TMEM132C: variants seen among roughly 807,000 people sequenced by gnomAD.
TMEM132C encodes the protein transmembrane protein 132C.
Under a neutral mutation model 61.4 loss-of-function variants are expected in TMEM132C, and 29 were observed. The observed-to-expected ratio is 0.47, with a 90% confidence interval of 0.35 to 0.64. The LOEUF is 0.64. Among genes scored for constraint, TMEM132C ranks in the 30% least tolerant of loss-of-function variants. The probability of loss-of-function intolerance (pLI) is 0.00; values close to 1 mark genes in which losing one functional copy is unlikely to be tolerated. For missense variants in TMEM132C, 1,408 were observed against 1,476.9 expected, an observed-to-expected ratio of 0.95 and a Z score of 0.76; for synonymous variants, 656 against 633.1, an observed-to-expected ratio of 1.04 and a Z score of -0.54.
chr12:128,629,237 A>C lies in TMEM132C; in HGVS notation c.1305+12902A>C, dbSNP rs536590437. Among the ~76,000 whole-genome samples, 14 of 152,342 alleles carry C rather than the reference A, an allele frequency of 9.2e-5. No homozygotes were observed. The East Asian group carries it at 2.1e-3, about 23-fold the overall frequency. On this transcript the variant is annotated intron_variant, in intron 4 of 8. Transcript: ENST00000435159. The stretch of plus-strand genomic sequence containing the variant: ...TTAAGAATAAAAAAAAACCTGGGAC[A>C]GTTTCAGTGGCTCACGCCTATAATT...
intron 1 of TMEM132C, among the ~76,000 whole-genome samples, chr12:128,347,094 G>C (rs1593019627): frequency 6.6e-6 from 1 of 152,012 alleles, no homozygotes. Context: ...CCTTCCCCCT[G>C]AGTCCCCAAA....
chr12:128,696,417 CT>C (rs1033505111), intron 7 of TMEM132C, among the ~76,000 whole-genome samples: 1 of 152,188 alleles, frequency 6.6e-6, no homozygotes, highest in Non-Finnish European at 1.5e-5. Context: ...CTTTTTCCCC[CT>C]ATGCCTTCTT....
intron 2 of TMEM132C, among the ~76,000 whole-genome samples, chr12:128,524,427 C>G (rs927834486): frequency 6.6e-6 from 1 of 152,190 alleles, no homozygotes; most frequent in African/African-American, 2.4e-5. Context: ...CCTTCCCCTG[C>G]TGGCTTTAGC....
rs981489232 is a variant in TMEM132C at position 128,569,917 on chromosome 12, T to C, written c.1121+25814T>C. The stretch of plus-strand genomic sequence containing the variant: ...AATTAAATAAAATAAAAAACCAACC[T>C]CAGATACATTGAAGTCTCTTCTGGT... On this transcript the variant is annotated intron_variant, in intron 3 of 8. Coordinates refer to ENST00000435159, the MANE Select transcript of TMEM132C (RefSeq NM_001136103.3). Among the ~76,000 whole-genome samples the C allele has an allele frequency of 2.6e-5, 4 of 152,312 alleles. No individual in the cohort carries two copies. In the East Asian group the frequency reaches 7.7e-4, roughly 29 times the overall value.
intron 2 of TMEM132C, among the ~76,000 whole-genome samples, chr12:128,504,444 T>A (rs763979697): frequency 1.3e-5 from 2 of 152,186 alleles, no homozygotes; most frequent in Non-Finnish European, 2.9e-5. Context: ...TGCTGCAATA[T>A]CTGTATTCAT....
intron 1 of TMEM132C, among the ~76,000 whole-genome samples, chr12:128,391,195 G>C (rs1874753358): frequency 6.6e-6 from 1 of 152,238 alleles, no homozygotes; most frequent in Non-Finnish European, 1.5e-5. Context: ...ACTACGGTAG[G>C]ATTGGTGCTA....
intron 1 of TMEM132C, among the ~76,000 whole-genome samples, chr12:128,331,352 A>C (rs990553973): frequency 2.6e-5 from 4 of 152,224 alleles, no homozygotes; most frequent in Admixed American, 1.3e-4. Flanking sequence ...TGTTTCTTGC[A>C]TGGTGGCCAA....
At chr12:128,281,311 G>A (rs1276757383) in intron 1 of TMEM132C, among the ~76,000 whole-genome samples, 1 of 152,148 alleles carries the variant, frequency 6.6e-6, no homozygotes, top group African/African-American at 2.4e-5. Flanking sequence ...AAACAGGTTT[G>A]TTTCAACAAG....
chr12:128,365,718 G>A (rs1262103854), intron 1 of TMEM132C, among the ~76,000 whole-genome samples: 1 of 152,258 alleles, frequency 6.6e-6, no homozygotes, highest in East Asian at 1.9e-4. Context: ...CTCCGAGGAT[G>A]GCTCCTCTCC....
chr12:128,326,931 C>T lies in TMEM132C; in HGVS notation c.85+59444C>T, dbSNP rs1051832442. Among the ~76,000 whole-genome samples the T allele has an allele frequency of 3.3e-5, 5 of 149,734 alleles. No homozygotes were observed. The highest frequency in any genetic ancestry group is 1.9e-4 in the East Asian group (1 of 5,184). ...CTGGGAAGCTCAAGATTAGCCGTGT[C>T]GTAGGGGGAAAATGTTAGAACGACT... On this transcript the variant is annotated intron_variant, in intron 1 of 8. Transcript: ENST00000435159. The surrounding 1 kb of genome is among the most constrained non-coding windows in gnomAD (Gnocchi z 5.6).
intron 1 of TMEM132C, among the ~76,000 whole-genome samples, chr12:128,295,130 C>T (rs1871366577): frequency 6.6e-6 from 1 of 151,948 alleles, no homozygotes; most frequent in Admixed American, 6.5e-5. Context: ...ACTCAAGTGC[C>T]CCAAGGTTCT....
intron 2 of TMEM132C, among the ~76,000 whole-genome samples, chr12:128,509,633 C>A (rs1446663779): frequency 1.3e-5 from 2 of 152,186 alleles, no homozygotes; most frequent in Non-Finnish European, 2.9e-5. Flanking sequence ...CCTCTGAGAA[C>A]TCAGTCATTT....
chr12:128,539,483 C>T (rs1047562130), intron 2 of TMEM132C, among the ~76,000 whole-genome samples: 29 of 152,186 alleles, frequency 1.9e-4, no homozygotes, highest in East Asian at 1.5e-3. Context: ...CTGGGCGTGG[C>T]GGTGGTCGCC....
intron 2 of TMEM132C, among the ~76,000 whole-genome samples, chr12:128,520,983 C>T (rs1032480998): frequency 2.0e-5 from 3 of 151,934 alleles, no homozygotes; most frequent in Non-Finnish European, 4.4e-5. Flanking sequence ...TCTTAGTGCA[C>T]CTGAAAGGAA....
chr12:128,599,833 C>T (rs1307580069), intron 3 of TMEM132C, among the ~76,000 whole-genome samples: 1 of 152,118 alleles, frequency 6.6e-6, no homozygotes. Flanking sequence ...ACCCAAATCT[C>T]ATCTTGAATT....
chr12:128,308,173 T>C (rs1424929366), intron 1 of TMEM132C, among the ~76,000 whole-genome samples: 1 of 152,238 alleles, frequency 6.6e-6, no homozygotes, highest in Non-Finnish European at 1.5e-5. Context: ...AAGCAGCCTA[T>C]GGTTCTAGTG....
chr12:128,531,263 G>A (rs1397232624), intron 2 of TMEM132C, among the ~76,000 whole-genome samples: 1 of 143,726 alleles, frequency 7.0e-6, no homozygotes, highest in Non-Finnish European at 1.5e-5. Flanking sequence ...CACTGATAGG[G>A]AAGTTTTCAT....
intron 1 of TMEM132C, among the ~76,000 whole-genome samples, chr12:128,280,176 T>C (rs1870842463): frequency 6.6e-6 from 1 of 152,188 alleles, no homozygotes; most frequent in South Asian, 2.1e-4. Flanking sequence ...GGTCTCTAGC[T>C]GAGAATGGAG....
intron 2 of TMEM132C, among the ~76,000 whole-genome samples, chr12:128,427,394 G>GTA (rs1869227363): frequency 1.4e-4 from 9 of 63,014 alleles, no homozygotes; most frequent in Middle Eastern, 7.8e-3. Flanking sequence ...AGGGGTGTGT[G>GTA]TGTGTGTGTG....
Sources: gnomAD v4.1 joint callset for allele counts (sites outside exome capture counted in the v4.1 genomes callset) on GRCh38, gnomAD v4.1.1 for gene constraint, Gnocchi (gnomAD v3.1) non-coding constraint, MANE v1.5 for transcripts, NCBI Gene and HGNC (gene_info 2026-07-23, HGNC 2026-07-21) for gene names.